RALYL: variants seen among roughly 807,000 people sequenced by gnomAD.
RALYL encodes RNA-binding Raly-like protein.
RALYL carries 29 observed loss-of-function variants against 35.1 expected under a neutral mutation model. The observed-to-expected ratio is 0.83, with a 90% CI of 0.61 to 1.13. The LOEUF is 1.13. RALYL is among the 50% of genes most tolerant of loss of function. The pLI is 0.00. For synonymous variants in RALYL, 120 were observed against 127.6 expected, an observed-to-expected ratio of 0.94 and a Z score of 0.40; for missense variants, 359 against 360.4, an observed-to-expected ratio of 1.00 and a Z score of 0.03.
chr8:84,884,452 T>C (rs1171294731), intron 7 of RALYL, among the ~76,000 whole-genome samples: 1 of 152,038 alleles, frequency 6.6e-6, no homozygotes, highest in East Asian at 1.9e-4. Flanking sequence ...TCTGCTATGC[T>C]TCCTTGGCCA....
Position 84,209,125 on chromosome 8 carries a change from C to CAAAAAAAAAA in RALYL, c.-24+24711_-24+24720dup, listed in dbSNP as rs60246316. Among the ~76,000 whole-genome samples the CAAAAAAAAAA allele has an allele frequency of 3.0e-3, 291 of 97,094 alleles. 1 individual carries two copies. Among genetic ancestry groups the CAAAAAAAAAA allele is most frequent in the East Asian group, 5.1e-3 (17 of 3,356 alleles). 63.7% of individuals were successfully genotyped at this position (97,094 alleles called of 152,430 possible). On this transcript the variant is annotated intron_variant, in intron 1 of 8. Coordinates refer to ENST00000521268, the MANE Select transcript of RALYL (RefSeq NM_173848.7). ...TTGCATAAACATCCCACTCCTCCAC[C>CAAAAAAAAAA]AAAAAAAAAAAAAAAAAAAGAAAAG...
chr8:84,235,783 T>G (rs1826403264), intron 1 of RALYL, among the ~76,000 whole-genome samples: 1 of 150,008 alleles, frequency 6.7e-6, no homozygotes, highest in East Asian at 1.9e-4. Context: ...TTTTTTTTTT[T>G]TTGAGACAGA....
chr8:84,415,571 G>A (rs925916823), intron 1 of RALYL, among the ~76,000 whole-genome samples: 1 of 151,970 alleles, frequency 6.6e-6, no homozygotes, highest in Non-Finnish European at 1.5e-5. Context: ...CTGGTCACCA[G>A]TTTCCTTGCC....
At chr8:84,184,949 G>A in intron 1 of RALYL, 1 of 1,612,664 alleles carries the variant, frequency 6.2e-7, no homozygotes, top group Non-Finnish European at 8.5e-7. Flanking sequence ...CCAGAGCCTT[G>A]AGGATGGCAC....
chr8:84,184,844 C>A, intron 1 of RALYL: 1 of 870,958 alleles, frequency 1.1e-6, no homozygotes, highest in Non-Finnish European at 1.9e-6. Context: ...AGAGGGGACC[C>A]TCAGAGCACC....
At chr8:84,769,752 C>CA (rs1308485295) in intron 2 of RALYL, among the ~76,000 whole-genome samples, 3 of 151,876 alleles carry the variant, frequency 2.0e-5, no homozygotes, top group African/African-American at 7.3e-5. Flanking sequence ...AAAACAAAAA[C>CA]AAACAAAAAA....
At chr8:84,535,709 C>T (rs1014021315) in intron 2 of RALYL, among the ~76,000 whole-genome samples, 7 of 151,542 alleles carry the variant, frequency 4.6e-5, no homozygotes, top group African/African-American at 9.7e-5. Context: ...CTCCTGGCCT[C>T]GTGATCCGCC....
chr8:84,239,806 G>A (rs569376312), intron 1 of RALYL, among the ~76,000 whole-genome samples: 99 of 152,152 alleles, frequency 6.5e-4, no homozygotes, highest in Admixed American at 3.2e-3. Context: ...CAGGAGAATC[G>A]CTGGAATCTG....
intron 1 of RALYL, among the ~76,000 whole-genome samples, chr8:84,450,326 T>C (rs1196601856): frequency 6.6e-6 from 1 of 151,860 alleles, no homozygotes; most frequent in African/African-American, 2.4e-5. Flanking sequence ...AGTGAAGAAT[T>C]AAACTACTGG....
intron 2 of RALYL, among the ~76,000 whole-genome samples, chr8:84,621,984 TTAATTATGAAGTTACATCTGCA>T (rs1447558645): frequency 2.0e-5 from 3 of 152,234 alleles, no homozygotes; most frequent in Non-Finnish European, 4.4e-5. Context: ...TGCATAATTA[TTAATTATGAAGTTACATCTGCA>T]TAATGAATAT....
chr8:84,439,087 C>T (rs927330506), intron 1 of RALYL, among the ~76,000 whole-genome samples: 5 of 151,644 alleles, frequency 3.3e-5, no homozygotes, highest in African/African-American at 4.8e-5. Flanking sequence ...TATGTTTCCA[C>T]GTTAATTTTA....
intron 1 of RALYL, among the ~76,000 whole-genome samples, chr8:84,277,424 G>A (rs1835626582): frequency 6.6e-6 from 1 of 151,968 alleles, no homozygotes; most frequent in African/African-American, 2.4e-5. Flanking sequence ...ATTTGGGTGG[G>A]GACACAGCCA....
intron 1 of RALYL, among the ~76,000 whole-genome samples, chr8:84,353,064 T>C (rs1404087395): frequency 1.3e-5 from 2 of 150,252 alleles, no homozygotes; most frequent in East Asian, 1.9e-4. Context: ...CTGCCTAAAG[T>C]CATTCTAGTT....
At chr8:84,563,185 G>T (rs1190608817) in intron 2 of RALYL, among the ~76,000 whole-genome samples, 1 of 151,716 alleles carries the variant, frequency 6.6e-6, no homozygotes, top group Non-Finnish European at 1.5e-5. Context: ...AAGGACTGGT[G>T]GCTTTCCAAC....
intron 1 of RALYL, among the ~76,000 whole-genome samples, chr8:84,519,324 T>C (rs1025964844): frequency 1.3e-5 from 2 of 152,222 alleles, no homozygotes; most frequent in Non-Finnish European, 2.9e-5. Context: ...CAGGATACTT[T>C]TTAAACGGCC....
intron 2 of RALYL, among the ~76,000 whole-genome samples, chr8:84,655,339 G>A (rs1310060703): frequency 6.6e-6 from 1 of 150,514 alleles, no homozygotes; most frequent in Non-Finnish European, 1.5e-5. Flanking sequence ...TTTTGTTGTT[G>A]TTTTTTTGAG....
intron 2 of RALYL, among the ~76,000 whole-genome samples, chr8:84,606,372 T>C (rs1217199660): frequency 6.6e-6 from 1 of 152,172 alleles, no homozygotes; most frequent in Non-Finnish European, 1.5e-5. Flanking sequence ...GACCTTGAGC[T>C]TGTAAATAAT....
At chr8:84,878,173 G>A (rs959791267) in intron 7 of RALYL, among the ~76,000 whole-genome samples, 4 of 152,152 alleles carry the variant, frequency 2.6e-5, no homozygotes, top group Non-Finnish European at 4.4e-5. Context: ...AAAGAAGGCT[G>A]GAGAAGTTTC....
chr8:84,343,872 T>G (rs1346818271), intron 1 of RALYL, among the ~76,000 whole-genome samples: 3 of 118,934 alleles, frequency 2.5e-5, no homozygotes, highest in African/African-American at 3.6e-5. Context: ...TCAAGAGTTT[T>G]TTTGTTTGTT....
Sources: allele counts gnomAD v4.1 joint callset (sites outside exome capture counted in the v4.1 genomes callset), GRCh38; gene constraint gnomAD v4.1.1; transcripts MANE v1.5; gene names NCBI Gene and HGNC (gene_info 2026-07-23, HGNC 2026-07-21).